The following SYNE1 variants were observed in gnomAD, a reference collection of about 807,000 sequenced individuals.
The protein encoded by SYNE1 is spectrin repeat containing nuclear envelope protein 1, also known as nesprin-1.
In SYNE1, 616 loss-of-function variants were observed where a neutral mutation model predicts 1,111.0. The ratio of observed to expected loss-of-function variants is 0.55; its 90% CI spans 0.52 to 0.59. The LOEUF (loss-of-function observed/expected upper bound fraction) is 0.59. SYNE1 is among the 20% of genes least tolerant of loss of function. The probability of loss-of-function intolerance (pLI) is 0.00; values close to 1 mark genes in which losing one functional copy is unlikely to be tolerated. For synonymous variants in SYNE1, 3,855 were observed against 3,825.8 expected, an observed-to-expected ratio of 1.01 and a Z score of -0.28; for missense variants, 10,006 against 10,417.0, an observed-to-expected ratio of 0.96 and a Z score of 1.72.
chr6:152,345,855 T>C (rs1431631117), intron 73 of SYNE1, among the ~76,000 whole-genome samples: 2 of 152,186 alleles, frequency 1.3e-5, no homozygotes, highest in African/African-American at 4.8e-5. Flanking sequence ...TTCTAAAACA[T>C]TAAGAATTCT....
At chr6:152,384,254 A>T (rs2097483189) in intron 55 of SYNE1, among the ~76,000 whole-genome samples, 1 of 152,224 alleles carries the variant, frequency 6.6e-6, no homozygotes, top group Non-Finnish European at 1.5e-5. Context: ...CTTTGATTCC[A>T]GAGCCTGAAC....
intron 93 of SYNE1, among the ~76,000 whole-genome samples, chr6:152,297,331 C>G (rs2094926414): frequency 6.6e-6 from 1 of 152,178 alleles, no homozygotes; most frequent in Non-Finnish European, 1.5e-5. Flanking sequence ...TCCCTTAAAA[C>G]TAAAGGGGGC....
At chr6:152,340,411 A>C (rs1053620203) in intron 74 of SYNE1, among the ~76,000 whole-genome samples, 3 of 152,196 alleles carry the variant, frequency 2.0e-5, no homozygotes, top group Non-Finnish European at 4.4e-5. Context: ...AACTATTGAC[A>C]GTTGACTCCA....
chr6:152,274,628 CTCCT>C (rs1399752905), intron 98 of SYNE1, among the ~76,000 whole-genome samples: 5 of 152,126 alleles, frequency 3.3e-5, no homozygotes, highest in African/African-American at 9.7e-5. Flanking sequence ...TGGAGTTTCA[CTCCT>C]GTTGCCCAGG....
At chr6:152,488,585 G>T (rs887295532) in intron 11 of SYNE1, 82 bp from the exon 12 acceptor site, 15 of 823,808 alleles carry the variant, frequency 1.8e-5, no homozygotes, top group Non-Finnish European at 2.8e-5. Flanking sequence ...GATTCTAGAA[G>T]AGACTTAATA....
chr6:152,136,976 T>C (rs1490625692), intron 140 of SYNE1, among the ~76,000 whole-genome samples, 158 bp from the exon 141 acceptor site: 1 of 151,488 alleles, frequency 6.6e-6, no homozygotes, highest in Admixed American at 6.6e-5. Flanking sequence ...GAGAACTGTA[T>C]GGCAGTTGGA....
At chr6:152,489,067 A>G (rs986198264) in intron 11 of SYNE1, among the ~76,000 whole-genome samples, 1 of 152,214 alleles carries the variant, frequency 6.6e-6, no homozygotes, top group African/African-American at 2.4e-5. Context: ...GAGATTTATC[A>G]AGTTATTTGG....
chr6:152,370,899 T>G (rs917197370), intron 59 of SYNE1, among the ~76,000 whole-genome samples: 1 of 152,198 alleles, frequency 6.6e-6, no homozygotes, highest in African/African-American at 2.4e-5. Flanking sequence ...ATGGGTTAGC[T>G]GTAAGAATCA....
intron 4 of SYNE1, among the ~76,000 whole-genome samples, chr6:152,531,074 G>T (rs1012667693): frequency 6.6e-6 from 1 of 152,112 alleles, no homozygotes; most frequent in Non-Finnish European, 1.5e-5. Context: ...CAGTGCCTGT[G>T]TTCAAGTCAT....
intron 130 of SYNE1, among the ~76,000 whole-genome samples, chr6:152,171,932 C>T (rs2065310259): frequency 2.0e-5 from 3 of 152,224 alleles, no homozygotes; most frequent in African/African-American, 7.2e-5. Flanking sequence ...TTGCCAACCT[C>T]TGCCCTATAG....
chr6:152,566,843 A>T (rs760757642), intron 3 of SYNE1, among the ~76,000 whole-genome samples: 1 of 152,192 alleles, frequency 6.6e-6, no homozygotes, highest in Non-Finnish European at 1.5e-5. Flanking sequence ...TGGCACTGCC[A>T]AGCATCTTTT....
intron 138 of SYNE1, 61 bp downstream of exon 138, chr6:152,143,562 G>A: frequency 6.2e-7 from 1 of 1,612,534 alleles, no homozygotes; most frequent in African/African-American, 1.3e-5. Flanking sequence ...CAGACGAACT[G>A]TTCTTTGACA....
chr6:152,312,860 C>T (rs140557726), intron 87 of SYNE1, among the ~76,000 whole-genome samples: 124 of 152,168 alleles, frequency 8.1e-4, no homozygotes, highest in African/African-American at 2.7e-3. Context: ...CCGACCTTAG[C>T]GTTACCGGAA....
At chr6:152,557,923 A>C (rs1261056224) in intron 3 of SYNE1, among the ~76,000 whole-genome samples, 1 of 152,188 alleles carries the variant, frequency 6.6e-6, no homozygotes, top group Admixed American at 6.5e-5. Context: ...ACAATATCCT[A>C]ATACTGTAAT....
At chr6:152,209,970 G>C (rs1418857975) in intron 124 of SYNE1, among the ~76,000 whole-genome samples, 1 of 152,054 alleles carries the variant, frequency 6.6e-6, no homozygotes, top group African/African-American at 2.4e-5. Context: ...TCCCTACCAG[G>C]TAACCATCCA....
intron 115 of SYNE1, among the ~76,000 whole-genome samples, chr6:152,227,738 G>A (rs554481246): frequency 8.5e-5 from 13 of 152,140 alleles, no homozygotes; most frequent in Non-Finnish European, 1.6e-4. Flanking sequence ...TTTTCTCAGT[G>A]AGGAATATTA....
At chr6:152,471,943 G>A (rs1203720032) in intron 15 of SYNE1, 178 bp from the exon 16 acceptor site, 2 of 665,978 alleles carry the variant, frequency 3.0e-6, no homozygotes, top group Non-Finnish European at 5.1e-6. Context: ...AGCAAAGCAT[G>A]AATGATTGAA....
chr6:152,180,020 A>G (rs989235300), intron 129 of SYNE1, 116 bp downstream of exon 129: 1 of 1,154,130 alleles, frequency 8.7e-7, no homozygotes, highest in African/African-American at 1.6e-5. Context: ...AAATGTTTAA[A>G]ATATACTGCT....
intron 41 of SYNE1, among the ~76,000 whole-genome samples, chr6:152,416,177 C>A: frequency 6.6e-6 from 1 of 152,194 alleles, no homozygotes; most frequent in East Asian, 1.9e-4. Context: ...ATTATTTAAT[C>A]TTTTCTCTGT....
Sources: allele counts gnomAD v4.1 joint callset (sites outside exome capture counted in the v4.1 genomes callset), GRCh38; gene constraint gnomAD v4.1.1; transcripts MANE v1.5; gene names NCBI Gene and HGNC (gene_info 2026-07-23, HGNC 2026-07-21).